The following EIF4EBP1 variants were observed in gnomAD, a reference collection of about 807,000 sequenced individuals.
The protein encoded by EIF4EBP1 is eukaryotic translation initiation factor 4E binding protein 1, also known as eukaryotic translation initiation factor 4E-binding protein 1.
Under a neutral mutation model 9.2 loss-of-function variants are expected in EIF4EBP1, and 5 were observed. The observed-to-expected ratio is 0.54, with a 90% confidence interval of 0.28 to 1.14. The LOEUF is 1.14. EIF4EBP1 is among the 50% of genes most tolerant of loss of function. The pLI is 0.09. For synonymous variants in EIF4EBP1, 62 were observed against 67.0 expected (o/e 0.93, Z 0.36); for missense variants, 139 against 169.6 (o/e 0.82, Z 1.00).
At position 38,030,538 on chromosome 8, in the gene EIF4EBP1, C is replaced by T. The variant is rs1165824588; in HGVS notation, c.-36C>T. ...GAGCGAGGCTGGAGGCGCGGGAGGG[C>T]AGCGAGAGGTTCGCGGGTGCAGCGC... On this transcript the variant is annotated 5_prime_UTR_variant, in exon 1 of 3. Coordinates refer to ENST00000338825, the MANE Select transcript of EIF4EBP1 (RefSeq NM_004095.4). The T allele has an allele frequency of 6.7e-7, 1 of 1,484,726 alleles. No homozygotes were observed. Among genetic ancestry groups the T allele is most frequent in the Non-Finnish European group, 8.9e-7 (1 of 1,123,496 alleles). The allele number at this position is 1,484,726 out of a possible 1,614,324, so 92.0% of individuals were successfully genotyped here. A position where few individuals can be genotyped will look rare whatever the true frequency, so the allele number is the denominator to read the frequency against.
intron 1 of EIF4EBP1, among the ~76,000 whole-genome samples, chr8:38,033,496 A>G (rs1029728192): frequency 1.3e-5 from 2 of 151,532 alleles, no homozygotes; most frequent in African/African-American, 4.8e-5. Context: ...AAAAAAAAAG[A>G]TGGCTCCATC....
chr8:38,051,520 A>C (rs1255480315), intron 1 of EIF4EBP1, among the ~76,000 whole-genome samples: 1 of 152,142 alleles, frequency 6.6e-6, no homozygotes, highest in Non-Finnish European at 1.5e-5. Flanking sequence ...CATTTACCCC[A>C]GTGTACAGAG....
At chr8:38,031,790 G>T (rs1420651506) in intron 1 of EIF4EBP1, among the ~76,000 whole-genome samples, 1 of 152,204 alleles carries the variant, frequency 6.6e-6, no homozygotes, top group Non-Finnish European at 1.5e-5. Context: ...ATCTTGTCCA[G>T]CCCTGCCGTC....
intron 1 of EIF4EBP1, among the ~76,000 whole-genome samples, chr8:38,038,384 T>C (rs954120414): frequency 3.4e-5 from 5 of 146,368 alleles, no homozygotes; most frequent in Non-Finnish European, 7.5e-5. Flanking sequence ...GGCACACACC[T>C]GTACTCCCAG....
intron 1 of EIF4EBP1, among the ~76,000 whole-genome samples, chr8:38,041,900 G>A (rs886526964): frequency 5.9e-5 from 9 of 152,062 alleles, no homozygotes; most frequent in African/African-American, 2.2e-4. Context: ...GCTGAGGCAG[G>A]AGGATCTCTG....
intron 2 of EIF4EBP1, among the ~76,000 whole-genome samples, chr8:38,059,463 T>A (rs1809640047): frequency 6.6e-6 from 1 of 151,996 alleles, no homozygotes; most frequent in East Asian, 1.9e-4. Context: ...GTTAAACCTC[T>A]TTTCTTGGCT....
At chr8:38,054,590 C>T (rs1390264826) in intron 1 of EIF4EBP1, among the ~76,000 whole-genome samples, 3 of 152,214 alleles carry the variant, frequency 2.0e-5, no homozygotes, top group Admixed American at 2.0e-4. Flanking sequence ...ACTGAGTCCC[C>T]ACCCCGCTGC....
chr8:38,057,052 G>C, intron 1 of EIF4EBP1, 29 bp from the exon 2 acceptor site: 1 of 1,574,272 alleles, frequency 6.4e-7, no homozygotes, highest in South Asian at 1.1e-5. Flanking sequence ...GCTGCAGATG[G>C]CTTGACCAAC....
chr8:38,041,634 TA>T (rs932868209), intron 1 of EIF4EBP1, among the ~76,000 whole-genome samples: 7 of 152,178 alleles, frequency 4.6e-5, no homozygotes, highest in Non-Finnish European at 1.0e-4. Flanking sequence ...GACACCTTCC[TA>T]AAGGTACTGA....
intron 1 of EIF4EBP1, among the ~76,000 whole-genome samples, chr8:38,032,416 G>A (rs1392306041): frequency 2.0e-5 from 3 of 152,154 alleles, no homozygotes; most frequent in Admixed American, 6.6e-5. Context: ...CCAGAGGATC[G>A]CTTGAGCCCA....
In EIF4EBP1 at chr8:38,060,190, G is replaced by A; in HGVS notation, c.*255G>A. On this transcript the variant is annotated 3_prime_UTR_variant, in exon 3 of 3. Coordinates refer to ENST00000338825, the MANE Select transcript of EIF4EBP1 (RefSeq NM_004095.4). ...GTGACCCCTGCCAGCACACCCTGCA[G>A]CCAAGGGCCAGGAAGTGGACAAGAA... is the stretch of plus-strand genomic sequence containing the variant. The A allele has an allele frequency of 1.7e-6, 1 of 579,128 alleles. No individual in the cohort carries two copies. The highest frequency in any genetic ancestry group is 3.1e-6 in the Non-Finnish European group (1 of 323,536). 35.9% of individuals were successfully genotyped at this position (579,128 alleles called of 1,614,324 possible).
rs113967843 is a variant in EIF4EBP1 at position 38,051,361 on chromosome 8, T to C, written c.146-5720T>C. 1.5e-3 allele frequency among the ~76,000 whole-genome samples: 228 copies of C among 152,290 alleles called. 2 individuals carry two copies. Among genetic ancestry groups the C allele is most frequent in the African/African-American group, 5.2e-3 (215 of 41,564 alleles). On this transcript the variant is annotated intron_variant, in intron 1 of 2. Coordinates refer to ENST00000338825, the MANE Select transcript of EIF4EBP1 (RefSeq NM_004095.4). The stretch of plus-strand genomic sequence containing the variant: ...AGTTGGAGCTCTCCCTGCATCCAGG[T>C]TGGAGAACGTGCTTGTACTTCTCAT...
At chr8:38,044,975 TTCATGCAGC>T (rs1399957907) in intron 1 of EIF4EBP1, among the ~76,000 whole-genome samples, 1 of 152,182 alleles carries the variant, frequency 6.6e-6, no homozygotes, top group Non-Finnish European at 1.5e-5. Flanking sequence ...TAAGCCTTCA[TTCATGCAGC>T]ACTCCAATGC....
At position 38,054,415 on chromosome 8, in the gene EIF4EBP1, C is replaced by T. The variant is rs563710115; in HGVS notation, c.146-2666C>T. ...GCAGTGAGCCAAGATTGTGCCACTG[C>T]ATTCCAGCCTGGGTGACAGAGCAAG... On this transcript the variant is annotated intron_variant, in intron 1 of 2. Transcript: ENST00000338825. Among the ~76,000 whole-genome samples the T allele has an allele frequency of 2.0e-5, 3 of 152,302 alleles. No homozygotes were observed. The East Asian group carries it at 5.8e-4, about 29-fold the overall frequency.
chr8:38,042,071 C>A (rs1412702495), intron 1 of EIF4EBP1, among the ~76,000 whole-genome samples: 2 of 152,112 alleles, frequency 1.3e-5, no homozygotes, highest in Non-Finnish European at 2.9e-5. Flanking sequence ...TGTGTTGAGC[C>A]TTCATTGCAG....
intron 1 of EIF4EBP1, among the ~76,000 whole-genome samples, chr8:38,040,827 C>T (rs182800200): frequency 6.6e-6 from 1 of 152,208 alleles, no homozygotes; most frequent in Non-Finnish European, 1.5e-5. Flanking sequence ...AAGCAAGTCA[C>T]AGGGCCAGCC....
At chr8:38,052,363 C>G (rs1043448235) in intron 1 of EIF4EBP1, among the ~76,000 whole-genome samples, 1 of 151,806 alleles carries the variant, frequency 6.6e-6, no homozygotes, top group Non-Finnish European at 1.5e-5. Context: ...CAGGCTCAAG[C>G]GATCCTCCCA....
chr8:38,058,635 C>A (rs1218886823), intron 2 of EIF4EBP1, among the ~76,000 whole-genome samples: 2 of 152,192 alleles, frequency 1.3e-5, no homozygotes, highest in Non-Finnish European at 2.9e-5. Flanking sequence ...ACGTTGCAGT[C>A]CTAGCTCAAA....
chr8:38,053,922 A>T (rs1809557874), intron 1 of EIF4EBP1, among the ~76,000 whole-genome samples: 1 of 152,172 alleles, frequency 6.6e-6, no homozygotes, highest in South Asian at 2.1e-4. Context: ...GAGTTGTTGT[A>T]GAGTTTCAGT....
Sources: gnomAD v4.1 joint callset for allele counts (sites outside exome capture counted in the v4.1 genomes callset) on GRCh38, gnomAD v4.1.1 for gene constraint, MANE v1.5 for transcripts, NCBI Gene and HGNC (gene_info 2026-07-23, HGNC 2026-07-21) for gene names.